SLCO2A1: variants seen among roughly 807,000 people sequenced by gnomAD.
The protein encoded by SLCO2A1 is matrin F/G 1.
SLCO2A1 carries 60 observed loss-of-function variants against 71.7 expected under a neutral mutation model. The observed-to-expected ratio is 0.84, with a 90% CI of 0.68 to 1.04. SLCO2A1 has a LOEUF of 1.04. Ranked by LOEUF, SLCO2A1 falls within the 50% of genes least tolerant of loss-of-function variation. The pLI is 0.00. For missense variants in SLCO2A1, 745 were observed against 813.4 expected (o/e 0.92, Z 1.02); for synonymous variants, 308 against 326.7 (o/e 0.94, Z 0.62).
chr3:133,949,194 G>A (rs1443747578), intron 6 of SLCO2A1: 1 of 574,616 alleles, frequency 1.7e-6, no homozygotes, highest in Non-Finnish European at 3.1e-6. Flanking sequence ...ACACATCTAT[G>A]CCAATGCCTC....
chr3:133,947,172 G>C, intron 9 of SLCO2A1, 84 bp downstream of exon 9: 1 of 1,181,368 alleles, frequency 8.5e-7, no homozygotes, highest in Non-Finnish European at 1.2e-6. Flanking sequence ...ATAGAGTTAA[G>C]GAAGCAGGAA....
intron 3 of SLCO2A1, among the ~76,000 whole-genome samples, chr3:133,961,418 T>C (rs2108049061): frequency 6.6e-6 from 1 of 152,348 alleles, no homozygotes; most frequent in East Asian, 1.9e-4. Flanking sequence ...CATTAATTTA[T>C]TTAATACATA....
chr3:133,988,998 A>G (rs1423519602), intron 1 of SLCO2A1, among the ~76,000 whole-genome samples: 1 of 152,222 alleles, frequency 6.6e-6, no homozygotes, highest in Non-Finnish European at 1.5e-5. Flanking sequence ...CTGAGTAACA[A>G]AGGATCAAAG....
At chr3:134,015,836 A>G (rs989860423) in intron 1 of SLCO2A1, among the ~76,000 whole-genome samples, 7 of 152,188 alleles carry the variant, frequency 4.6e-5, no homozygotes, top group African/African-American at 1.4e-4. Flanking sequence ...AGCAGAAACA[A>G]CGAAACAAAA....
intron 1 of SLCO2A1, among the ~76,000 whole-genome samples, chr3:134,023,138 AAACAAACAAACAAAC>A (rs773609152): frequency 3.3e-5 from 5 of 152,020 alleles, no homozygotes; most frequent in Non-Finnish European, 5.9e-5. Flanking sequence ...ACAAACAAAC[AAACAAACAAACAAAC>A]AAAAGAATGG....
intron 9 of SLCO2A1, 54 bp from the exon 10 acceptor site, chr3:133,945,314 C>G: frequency 6.5e-7 from 1 of 1,534,808 alleles, no homozygotes; most frequent in Non-Finnish European, 8.8e-7. Flanking sequence ...AAAGAAAAAC[C>G]CTACACTCCA....
intron 3 of SLCO2A1, chr3:133,955,428 A>G (rs1432287831): frequency 3.6e-6 from 2 of 548,528 alleles, no homozygotes; most frequent in Non-Finnish European, 6.5e-6. Flanking sequence ...CGGCCCCAGG[A>G]GCTGCTATTT....
At position 133,991,827 on chromosome 3, in the gene SLCO2A1, C is replaced by T. The variant is rs537059779; in HGVS notation, c.97-12209G>A. Among the ~76,000 whole-genome samples the T allele has an allele frequency of 2.0e-5, 3 of 152,318 alleles. No homozygotes were observed. The East Asian group carries it at 5.8e-4, about 29-fold the overall frequency. Reference sequence around the variant, plus strand: ...CTTCTCTCCAGATTCCCTTTGCCAGCCTTTACTGCCCACAAAGTTGACCTT... The same window carrying T: ...CTTCTCTCCAGATTCCCTTTGCCAGTCTTTACTGCCCACAAAGTTGACCTT... On this transcript the variant is annotated intron_variant, in intron 1 of 13. Coordinates refer to ENST00000310926, the MANE Select transcript of SLCO2A1 (RefSeq NM_005630.3).
chr3:133,953,693 T>A lies in SLCO2A1; in HGVS notation c.694A>T (p.Ile232Phe), dbSNP rs1576431967. The stretch of plus-strand genomic sequence containing the variant: ...TTGACCCTGCCATAGTCCACAAAGA[T>A]CTGCAGCATGACAGAGCCCAGCAGG... ...GYLLGSVMLQIFVDYGRVNTA... is the reference protein window; with the variant it reads ...GYLLGSVMLQFFVDYGRVNTA... Residue 232 changes from isoleucine (I) to phenylalanine (F), a missense_variant, in exon 5 of 14, where the codon ATC becomes TTC. Physicochemically the swap from Ile to Phe is conservative, Grantham distance 21 (BLOSUM62 0). Transcript: ENST00000310926. 4 of 1,613,954 alleles carry A rather than the reference T, an allele frequency of 2.5e-6. No homozygotes were observed. The East Asian group carries it at 8.9e-5, about 36-fold the overall frequency.
intron 5 of SLCO2A1, among the ~76,000 whole-genome samples, chr3:133,952,325 G>A (rs59935979): frequency 0.029 from 4,345 of 152,300 alleles, 209 homozygotes; most frequent in African/African-American, 0.099. Context: ...CGGGAGTCTA[G>A]GCTCTAGCAG....
In SLCO2A1 at chr3:134,024,036, T is replaced by C. The variant is rs140601239; in HGVS notation, c.96+5671A>G. On this transcript the variant is annotated intron_variant, in intron 1 of 13. Coordinates refer to ENST00000310926, the MANE Select transcript of SLCO2A1 (RefSeq NM_005630.3). ...GACAGGGAGGAAACTTAGTGTTCCTTGGAGACCTGAAAGGATGCAGTTAGC... is the reference window on the plus strand; with the variant it reads ...GACAGGGAGGAAACTTAGTGTTCCTCGGAGACCTGAAAGGATGCAGTTAGC... Among the ~76,000 whole-genome samples the C allele has an allele frequency of 3.8e-3, 584 of 152,370 alleles. 5 individuals are homozygous for C. Among genetic ancestry groups the C allele is most frequent in the African/African-American group, 0.014 (569 of 41,596 alleles).
chr3:133,970,320 C>T (rs1254587562), intron 3 of SLCO2A1, among the ~76,000 whole-genome samples: 3 of 152,034 alleles, frequency 2.0e-5, no homozygotes, highest in African/African-American at 7.2e-5. Context: ...GGAGGTGGCT[C>T]GAGCCCACTT....
chr3:133,952,701 A>G (rs527597313), intron 5 of SLCO2A1, among the ~76,000 whole-genome samples: 112 of 152,322 alleles, frequency 7.4e-4, no homozygotes, highest in Middle Eastern at 3.4e-3. Context: ...GAAGAATACG[A>G]ACTCATACTG....
chr3:133,944,936 G>T (rs774948389), intron 10 of SLCO2A1, among the ~76,000 whole-genome samples, 159 bp downstream of exon 10: 1 of 152,254 alleles, frequency 6.6e-6, no homozygotes, highest in Non-Finnish European at 1.5e-5. Context: ...GGGAGGTAGA[G>T]AGAGGTTGGA....
At chr3:134,020,882 G>A (rs1935560919) in intron 1 of SLCO2A1, among the ~76,000 whole-genome samples, 1 of 152,220 alleles carries the variant, frequency 6.6e-6, no homozygotes, top group South Asian at 2.1e-4. Context: ...GTGGAAGCTT[G>A]GCCTGATCAC....
Position 134,029,738 on chromosome 3 carries a change from C to T in SLCO2A1, c.65G>A (p.Arg22His). The T allele has an allele frequency of 1.9e-6, 3 of 1,587,600 alleles. No individual in the cohort carries two copies. Among genetic ancestry groups the T allele is most frequent in the African/African-American group, 1.4e-5 (1 of 72,912 alleles). The change falls in exon 1 of 14, where the codon CGC (arginine) becomes CAC (histidine). Residue 22 changes from arginine (R) to histidine (H), a missense_variant. Coordinates refer to ENST00000310926, the MANE Select transcript of SLCO2A1 (RefSeq NM_005630.3). ...GTTGCCGAAGACCGAGCGGGCACAG[C>T]GGCCGGCTCGGCTAGTAGAGGTGTC... is the stretch of plus-strand genomic sequence containing the variant. ...GSDTSTSRAGRCARSVFGNIK... is the reference protein window; with the variant it reads ...GSDTSTSRAGHCARSVFGNIK...
intron 1 of SLCO2A1, among the ~76,000 whole-genome samples, chr3:134,010,383 T>C (rs1935308132): frequency 6.6e-6 from 1 of 151,928 alleles, no homozygotes; most frequent in Admixed American, 6.6e-5. Context: ...CATATCTTCA[T>C]AAGGCAGCAG....
At chr3:134,011,869 G>A (rs1483721445) in intron 1 of SLCO2A1, among the ~76,000 whole-genome samples, 1 of 152,214 alleles carries the variant, frequency 6.6e-6, no homozygotes, top group Non-Finnish European at 1.5e-5. Flanking sequence ...GTGAGAGCTG[G>A]GGTGTGAGAA....
At chr3:133,946,506 T>A (rs1260343267) in intron 9 of SLCO2A1, among the ~76,000 whole-genome samples, 1 of 152,212 alleles carries the variant, frequency 6.6e-6, no homozygotes, top group Non-Finnish European at 1.5e-5. Context: ...CCTGCCCTAA[T>A]TTTTCAAGTC....
Sources: allele counts gnomAD v4.1 joint callset (sites outside exome capture counted in the v4.1 genomes callset), GRCh38; gene constraint gnomAD v4.1.1; transcripts MANE v1.5; gene names NCBI Gene and HGNC (gene_info 2026-07-23, HGNC 2026-07-21).